Variants in ANLN observed in about 807,000 individuals in gnomAD.
ANLN encodes anillin, actin binding protein.
In ANLN, 59 loss-of-function variants were observed where a neutral mutation model predicts 135.1. The observed-to-expected ratio is 0.44, with a 90% CI of 0.35 to 0.54. The LOEUF is 0.54. Among genes scored for constraint, ANLN ranks in the 20% least tolerant of loss-of-function variants. The probability of loss-of-function intolerance (pLI) is 0.00; values close to 1 mark genes in which losing one functional copy is unlikely to be tolerated. For synonymous variants in ANLN, 406 were observed against 456.4 expected, an observed-to-expected ratio of 0.89 and a Z score of 1.41; for missense variants, 1,182 against 1,340.0, an observed-to-expected ratio of 0.88 and a Z score of 1.84.
Position 36,411,177 on chromosome 7 carries a change from CA to C in ANLN, c.1395+13del. On this transcript the variant is annotated intron_variant, in intron 7 of 23. Transcript: ENST00000265748. ...CTAGAAACCAAACAGGTAATGTAAACAAGAAATATAAAAACGAACTTGGTCC... is the reference window on the plus strand; with the variant it reads ...CTAGAAACCAAACAGGTAATGTAAACAGAAATATAAAAACGAACTTGGTCC... 1 of 1,589,150 alleles carries C rather than the reference CA, an allele frequency of 6.3e-7. No individual in the cohort carries two copies. Among genetic ancestry groups the C allele is most frequent in the Non-Finnish European group, 8.5e-7 (1 of 1,172,170 alleles).
At position 36,439,147 on chromosome 7, in the gene ANLN, C is replaced by T. The variant is rs1788663470; in HGVS notation, c.2884-57C>T. 4.2e-6 allele frequency: 4 copies of T among 962,794 alleles called. No individual in the cohort carries two copies. The South Asian group carries it at 5.5e-5, about 13-fold the overall frequency. 59.6% of individuals were successfully genotyped at this position (962,794 alleles called of 1,614,324 possible). On this transcript the variant is annotated intron_variant, in intron 20 of 23. Transcript: ENST00000265748. ...TGTTCATGATTTATACATGATTTAT[C>T]AAGAAAAATCACACTTTGAACCTGT...
At chr7:36,420,455 C>A in intron 11 of ANLN, 141 bp downstream of exon 11, 1 of 1,275,590 alleles carries the variant, frequency 7.8e-7, no homozygotes, top group Non-Finnish European at 1.1e-6. Flanking sequence ...GCCTCTCTTT[C>A]ACCAAATGAG....
At chr7:36,419,217 G>GATATTTAATTCTTAAATATC in intron 9 of ANLN, 27 bp from the exon 10 acceptor site, 1 of 1,501,396 alleles carries the variant, frequency 6.7e-7, no homozygotes, top group Non-Finnish European at 9.3e-7. Context: ...CTGAGTCACA[G>GATATTTAATTCTTAAATATC]TGTCCACCTA....
At chr7:36,434,326 T>G (rs1367948445) in intron 20 of ANLN, among the ~76,000 whole-genome samples, 1 of 152,194 alleles carries the variant, frequency 6.6e-6, no homozygotes, top group Non-Finnish European at 1.5e-5. Flanking sequence ...TTCTCTCTGC[T>G]TTTTAGACAT....
At chr7:36,439,894 G>T (rs1788696276) in intron 21 of ANLN, among the ~76,000 whole-genome samples, 1 of 152,162 alleles carries the variant, frequency 6.6e-6, no homozygotes, top group Non-Finnish European at 1.5e-5. Flanking sequence ...GCCTTTTAAA[G>T]AATTTGGACT....
rs765588941 is a variant in ANLN, at chr7:36,420,610, A to G, written c.2029A>G (p.Arg677Gly). The change falls in exon 12 of 24, where the codon AGA (arginine) becomes GGA (glycine). Residue 677 changes from arginine (R) to glycine (G), a missense_variant. Physicochemically the swap from Arg to Gly is moderately radical, Grantham distance 125 (BLOSUM62 -2). Coordinates refer to ENST00000265748, the MANE Select transcript of ANLN (RefSeq NM_018685.5). ...TACCTCTTGAAGCATTGATGCATAT[A>G]GATCTCAAAGATTCAAAGAAACAGA... ...RDLLYSIDAY[R>G]SQRFKETERP... 1 of 1,612,982 alleles carries G rather than the reference A, an allele frequency of 6.2e-7. No homozygotes were observed. The highest frequency in any genetic ancestry group is 2.2e-5 in the East Asian group (1 of 44,864).
At chr7:36,391,962 G>T (rs1583584643) in intron 1 of ANLN, among the ~76,000 whole-genome samples, 1 of 142,426 alleles carries the variant, frequency 7.0e-6, no homozygotes, top group South Asian at 2.2e-4. Flanking sequence ...TTTTTAAGAC[G>T]GAGTCTCGCA....
At chr7:36,431,451 G>T (rs1788301670) in intron 20 of ANLN, among the ~76,000 whole-genome samples, 1 of 151,390 alleles carries the variant, frequency 6.6e-6, no homozygotes, top group Non-Finnish European at 1.5e-5. Context: ...CAATAGAAAT[G>T]ACAGACACTT....
At chr7:36,445,267 T>C (rs1276789671) in intron 22 of ANLN, among the ~76,000 whole-genome samples, 1 of 142,186 alleles carries the variant, frequency 7.0e-6, no homozygotes, top group African/African-American at 2.6e-5. Context: ...GATGCTCCAA[T>C]GAGCATTTCC....
chr7:36,438,069 G>A (rs1023061023), intron 20 of ANLN, among the ~76,000 whole-genome samples: 8 of 152,142 alleles, frequency 5.3e-5, no homozygotes, highest in African/African-American at 1.9e-4. Flanking sequence ...GATTACAGGC[G>A]TGAGCCACCG....
At chr7:36,451,434 C>T (rs1789238744) in intron 23 of ANLN, among the ~76,000 whole-genome samples, 1 of 152,158 alleles carries the variant, frequency 6.6e-6, no homozygotes. Context: ...CAAATGTAAC[C>T]ATGGCAGGTC....
intron 22 of ANLN, among the ~76,000 whole-genome samples, chr7:36,447,082 C>A (rs1444551154): frequency 6.6e-6 from 1 of 152,182 alleles, no homozygotes; most frequent in African/African-American, 2.4e-5. Context: ...TGATGTCTTA[C>A]ACCCACAAAT....
chr7:36,444,163 G>T (rs1345146062), intron 22 of ANLN, among the ~76,000 whole-genome samples: 1 of 152,058 alleles, frequency 6.6e-6, no homozygotes, highest in African/African-American at 2.4e-5. Flanking sequence ...GGTGGCAGGT[G>T]CCTGTAATCC....
At chr7:36,431,597 G>GTGTGTGTGTATATA (rs1306528982) in intron 20 of ANLN, among the ~76,000 whole-genome samples, 8 of 27,434 alleles carry the variant, frequency 2.9e-4, no homozygotes, top group African/African-American at 6.7e-4. Context: ...GTGTGTGTGT[G>GTGTGTGTGTATATA]TATATATATA....
intron 8 of ANLN, among the ~76,000 whole-genome samples, 191 bp downstream of exon 8, chr7:36,416,075 A>G (rs941342754): frequency 4.6e-5 from 7 of 151,990 alleles, no homozygotes; most frequent in Admixed American, 2.0e-4. Flanking sequence ...CTGGAGTGCA[A>G]TGGTGTGATC....
At chr7:36,448,216 G>A (rs1238478373) in intron 22 of ANLN, among the ~76,000 whole-genome samples, 1 of 152,086 alleles carries the variant, frequency 6.6e-6, no homozygotes, top group Non-Finnish European at 1.5e-5. Context: ...GTTTCACCAT[G>A]TTGGCCAGGC....
Position 36,389,952 on chromosome 7 carries a change from T to G in ANLN, c.-75T>G. On this transcript the variant is annotated 5_prime_UTR_variant, in exon 1 of 24. Coordinates refer to ENST00000265748, the MANE Select transcript of ANLN (RefSeq NM_018685.5). ...TCCTGGTTTTTTCCAGGAGACACAC[T>G]GAGCTGAGACTCACTTTTCTCTTCC... 16 of 1,613,014 alleles carry G rather than the reference T, an allele frequency of 9.9e-6. No homozygotes were observed. The highest frequency in any genetic ancestry group is 1.2e-5 in the Non-Finnish European group (14 of 1,179,064).
At chr7:36,390,325 C>T (rs192925932) in intron 1 of ANLN, 57 of 517,940 alleles carry the variant, frequency 1.1e-4, no homozygotes, top group Non-Finnish European at 1.7e-4. Flanking sequence ...CCGTTTTTAC[C>T]ATGTCCCTCT....
Position 36,419,379 on chromosome 7 carries a change from C to G in ANLN, c.1769C>G (p.Ala590Gly). The G allele has an allele frequency of 6.2e-7, 1 of 1,614,120 alleles. No homozygotes were observed. The highest frequency in any genetic ancestry group is 2.2e-5 in the East Asian group (1 of 44,870). Residue 590 changes from alanine (A) to glycine (G), a missense_variant, in exon 10 of 24, where the codon GCA (alanine) becomes GGA (glycine). Physicochemically the swap from Ala to Gly is moderately conservative, Grantham distance 60. Transcript: ENST00000265748. ...MEKSQEEMDQ[A>G]LAESSEEQED... Reference sequence around the variant, plus strand: ...AAGAGCCAAGAGGAGATGGATCAAGCATTAGCAGAAAGCAGCGAAGAACAG... The same window carrying G: ...AAGAGCCAAGAGGAGATGGATCAAGGATTAGCAGAAAGCAGCGAAGAACAG...
Sources: gnomAD v4.1 joint callset for allele counts (sites outside exome capture counted in the v4.1 genomes callset) on GRCh38, gnomAD v4.1.1 for gene constraint, MANE v1.5 for transcripts, NCBI Gene and HGNC (gene_info 2026-07-23, HGNC 2026-07-21) for gene names.